The following NUBPL variants were observed in gnomAD, a reference collection of about 807,000 sequenced individuals.
NUBPL encodes iron-sulfur cluster transfer protein NUBPL.
In NUBPL, 31 loss-of-function variants were observed where a neutral mutation model predicts 45.7. The observed-to-expected ratio is 0.68, with a 90% CI of 0.51 to 0.92. The LOEUF is 0.92. NUBPL is among the 40% of genes least tolerant of loss of function. The probability of loss-of-function intolerance (pLI) is 0.00; values close to 1 mark genes in which losing one functional copy is unlikely to be tolerated. For missense variants in NUBPL, 401 were observed against 398.7 expected, an observed-to-expected ratio of 1.01 and a Z score of -0.05; for synonymous variants, 144 against 140.9, an observed-to-expected ratio of 1.02 and a Z score of -0.15.
chr14:31,753,507 C>A (rs1441141154), intron 6 of NUBPL, among the ~76,000 whole-genome samples: 1 of 152,022 alleles, frequency 6.6e-6, no homozygotes, highest in Non-Finnish European at 1.5e-5. Flanking sequence ...TAGCTGAAGT[C>A]ATAGCATTAC....
At chr14:31,820,643 G>A (rs538822022) in intron 7 of NUBPL, among the ~76,000 whole-genome samples, 1 of 152,126 alleles carries the variant, frequency 6.6e-6, no homozygotes, top group African/African-American at 2.4e-5. Context: ...GACAAATAAG[G>A]TGAAACCCCA....
intron 3 of NUBPL, among the ~76,000 whole-genome samples, chr14:31,580,169 C>T (rs2033824070): frequency 6.6e-6 from 1 of 152,190 alleles, no homozygotes; most frequent in Admixed American, 6.5e-5. Flanking sequence ...GAGTACTTTA[C>T]ATGTGCTGTG....
At chr14:31,858,477 TTACCATGCAGGCA>T (rs1237682786) in intron 10 of NUBPL, among the ~76,000 whole-genome samples, 1 of 152,240 alleles carries the variant, frequency 6.6e-6, no homozygotes, top group Non-Finnish European at 1.5e-5. Flanking sequence ...GCAAATATCA[TTACCATGCAGGCA>T]TTAGGTTAGC....
At chr14:31,722,520 T>G (rs8013999) in intron 6 of NUBPL, among the ~76,000 whole-genome samples, 112,495 of 152,152 alleles carry the variant, frequency 0.74, 47,503 homozygotes, top group East Asian at 0.99. Flanking sequence ...TGGCCACACT[T>G]CTTTCCACAA....
chr14:31,639,686 A>G (rs533923587), intron 4 of NUBPL, among the ~76,000 whole-genome samples: 6 of 152,158 alleles, frequency 3.9e-5, no homozygotes, highest in Admixed American at 1.3e-4. Flanking sequence ...TACCCCAGAG[A>G]TGGAGCCTAC....
rs1189459931 is a variant in NUBPL at position 31,826,982 on chromosome 14, C to CA, written c.693+276dup. ...CTCTCATACTTGCAGCTATCACTGA[C>CA]AAAAAAAATTACAAGAGTGTTTTAG... On this transcript the variant is annotated intron_variant, in intron 8 of 10. Transcript: ENST00000281081. Among the ~76,000 whole-genome samples the CA allele has an allele frequency of 4.0e-5, 6 of 151,586 alleles. No homozygotes were observed. The East Asian group carries it at 7.7e-4, about 20-fold the overall frequency.
intron 7 of NUBPL, among the ~76,000 whole-genome samples, 196 bp downstream of exon 7, chr14:31,788,069 T>C (rs897435401): frequency 1.3e-5 from 2 of 151,942 alleles, no homozygotes; most frequent in Non-Finnish European, 2.9e-5. Context: ...CCATGAGACT[T>C]TTGTTACTAG....
At chr14:31,645,862 T>TA (rs1451582437) in intron 4 of NUBPL, among the ~76,000 whole-genome samples, 3 of 149,262 alleles carry the variant, frequency 2.0e-5, no homozygotes, top group African/African-American at 7.3e-5. Context: ...CTATTACTGT[T>TA]TTCGATAGAT....
chr14:31,578,182 G>A (rs1255678264), intron 3 of NUBPL, among the ~76,000 whole-genome samples: 1 of 152,316 alleles, frequency 6.6e-6, no homozygotes, highest in East Asian at 1.9e-4. Context: ...TTTATATCTT[G>A]TGCTTCAACA....
chr14:31,665,848 T>G (rs963786702), intron 4 of NUBPL, among the ~76,000 whole-genome samples: 3 of 152,146 alleles, frequency 2.0e-5, no homozygotes, highest in African/African-American at 7.2e-5. Flanking sequence ...TCTCCCACTA[T>G]TACTGTGGGG....
chr14:31,627,793 A>T (rs1175813892), intron 4 of NUBPL, among the ~76,000 whole-genome samples: 1 of 151,182 alleles, frequency 6.6e-6, no homozygotes, highest in Non-Finnish European at 1.5e-5. Context: ...ATTATTGAGG[A>T]TCCCAAATAG....
chr14:31,788,186 G>A (rs1426131668), intron 7 of NUBPL, among the ~76,000 whole-genome samples: 1 of 152,170 alleles, frequency 6.6e-6, no homozygotes, highest in Non-Finnish European at 1.5e-5. Flanking sequence ...TGCCAAGAAA[G>A]GAGCAGGCTG....
chr14:31,694,434 A>G (rs2037168778), intron 6 of NUBPL, among the ~76,000 whole-genome samples: 1 of 152,198 alleles, frequency 6.6e-6, no homozygotes, highest in African/African-American at 2.4e-5. Flanking sequence ...GTAATTATTT[A>G]TTGAGCTGAC....
intron 4 of NUBPL, among the ~76,000 whole-genome samples, chr14:31,628,320 T>C (rs946090024): frequency 2.0e-5 from 3 of 152,218 alleles, no homozygotes; most frequent in African/African-American, 7.2e-5. Context: ...ACATCATGTA[T>C]TGCTCATTTA....
chr14:31,699,259 C>A (rs1256000100), intron 6 of NUBPL, among the ~76,000 whole-genome samples: 2 of 152,104 alleles, frequency 1.3e-5, no homozygotes, highest in Middle Eastern at 3.2e-3. Flanking sequence ...ATTTTGGTAG[C>A]ATCTAAATGT....
intron 6 of NUBPL, among the ~76,000 whole-genome samples, chr14:31,704,526 G>T (rs2037404746): frequency 6.6e-6 from 1 of 152,010 alleles, no homozygotes; most frequent in Admixed American, 6.5e-5. Context: ...AGCCAGGCAT[G>T]GTGGTGCATG....
intron 4 of NUBPL, among the ~76,000 whole-genome samples, chr14:31,639,083 G>A (rs574935681): frequency 5.9e-5 from 9 of 152,226 alleles, no homozygotes; most frequent in South Asian, 2.1e-4. Flanking sequence ...TCTTCTCTCA[G>A]CTCGTCAAAG....
chr14:31,611,393 G>T (rs756299256), intron 4 of NUBPL, among the ~76,000 whole-genome samples: 3 of 152,070 alleles, frequency 2.0e-5, no homozygotes, highest in Non-Finnish European at 4.4e-5. Flanking sequence ...AATGAAAACT[G>T]TAAAACACTG....
chr14:31,688,602 A>G (rs1212031945), intron 6 of NUBPL, among the ~76,000 whole-genome samples: 2 of 150,478 alleles, frequency 1.3e-5, no homozygotes, highest in East Asian at 1.9e-4. Flanking sequence ...GAAAAAAAAA[A>G]AAAAAAGAAA....
Sources: allele counts gnomAD v4.1 joint callset (sites outside exome capture counted in the v4.1 genomes callset), GRCh38; gene constraint gnomAD v4.1.1; transcripts MANE v1.5; gene names NCBI Gene and HGNC (gene_info 2026-07-23, HGNC 2026-07-21).